Variants in RSU1 observed in about 807,000 individuals in gnomAD.
RSU1 encodes the protein Ras suppressor protein 1.
Under a neutral mutation model 31.1 loss-of-function variants are expected in RSU1, and 26 were observed. That is an observed-to-expected ratio of 0.84 (90% CI 0.61 to 1.16). The LOEUF is 1.16. Among genes scored for constraint, RSU1 ranks in the 50% most tolerant of loss-of-function variants. RSU1 has a pLI of 0.00. For missense variants in RSU1, 320 were observed against 339.1 expected (o/e 0.94, Z 0.44); for synonymous variants, 164 against 136.3 (o/e 1.20, Z -1.41).
At chr10:16,597,869 T>C (rs1455654745) in intron 8 of RSU1, among the ~76,000 whole-genome samples, 1 of 152,228 alleles carries the variant, frequency 6.6e-6, no homozygotes, top group Non-Finnish European at 1.5e-5. Context: ...GACGCTGCTG[T>C]CCGCCGCACG....
chr10:16,685,057 G>A (rs908619829), intron 8 of RSU1, among the ~76,000 whole-genome samples: 1 of 152,078 alleles, frequency 6.6e-6, no homozygotes, highest in African/African-American at 2.4e-5. Flanking sequence ...GGACCAGTCT[G>A]GCCAACATGG....
Position 16,698,600 on chromosome 10 carries a change from A to AC in RSU1, c.599-3446dup, listed in dbSNP as rs887989433. Among the ~76,000 whole-genome samples, 5 of 151,948 alleles carry AC rather than the reference A, an allele frequency of 3.3e-5. 1 individual carries two copies. Among genetic ancestry groups the AC allele is most frequent in the Non-Finnish European group, 2.9e-5 (2 of 67,996 alleles). On this transcript the variant is annotated intron_variant, in intron 7 of 8. Transcript: ENST00000345264. ...TGGGCCCTTTTGTCTGAAGCCTGTA[A>AC]CCCCCTGGAGATCTGTCAATCCCAA...
At chr10:16,805,912 C>T (rs1298736779) in intron 2 of RSU1, among the ~76,000 whole-genome samples, 1 of 152,048 alleles carries the variant, frequency 6.6e-6, no homozygotes, top group East Asian at 1.9e-4. Flanking sequence ...AAAAGCCTTG[C>T]ATTCTGTTAT....
At chr10:16,747,361 G>A (rs1409099213) in intron 7 of RSU1, among the ~76,000 whole-genome samples, 1 of 152,110 alleles carries the variant, frequency 6.6e-6, no homozygotes, top group Admixed American at 6.5e-5. Flanking sequence ...CCTTCTCAAT[G>A]AGACACCCTT....
At chr10:16,703,160 G>A (rs996637229) in intron 7 of RSU1, among the ~76,000 whole-genome samples, 3 of 152,098 alleles carry the variant, frequency 2.0e-5, no homozygotes, top group Admixed American at 1.3e-4. Flanking sequence ...CCCAGAAGCC[G>A]AGCAGATGCC....
chr10:16,798,739 A>T (rs1232548668), intron 2 of RSU1, among the ~76,000 whole-genome samples: 1 of 152,200 alleles, frequency 6.6e-6, no homozygotes. Flanking sequence ...CTGGGAAATA[A>T]TCAGACCAGA....
chr10:16,610,019 TATC>T (rs749946857), intron 8 of RSU1, among the ~76,000 whole-genome samples: 4 of 152,224 alleles, frequency 2.6e-5, no homozygotes, highest in East Asian at 3.8e-4. Flanking sequence ...TTAATTTTAA[TATC>T]ATATTTTATT....
intron 8 of RSU1, among the ~76,000 whole-genome samples, chr10:16,607,084 T>G (rs530466710): frequency 2.0e-5 from 3 of 152,178 alleles, no homozygotes; most frequent in Non-Finnish European, 4.4e-5. Context: ...CATGAATGGT[T>G]CAGCACTATC....
intron 7 of RSU1, among the ~76,000 whole-genome samples, chr10:16,697,262 C>T (rs2131564962): frequency 6.6e-6 from 1 of 152,316 alleles, no homozygotes; most frequent in African/African-American, 2.4e-5. Flanking sequence ...GAGAAACAAC[C>T]TATGCTTACA....
intron 8 of RSU1, among the ~76,000 whole-genome samples, chr10:16,609,196 CA>C (rs987440692): frequency 7.9e-5 from 12 of 152,252 alleles, no homozygotes; most frequent in African/African-American, 2.9e-4. Context: ...TCTGCAAGTG[CA>C]AAAAGCTTAA....
chr10:16,736,081 C>T (rs757378026), intron 7 of RSU1, among the ~76,000 whole-genome samples: 26 of 152,102 alleles, frequency 1.7e-4, no homozygotes, highest in Non-Finnish European at 3.5e-4. Flanking sequence ...TGAGGCTACT[C>T]AAGGAGCTGG....
chr10:16,688,501 C>G (rs183560713), intron 8 of RSU1, among the ~76,000 whole-genome samples: 3 of 152,168 alleles, frequency 2.0e-5, no homozygotes, highest in Non-Finnish European at 4.4e-5. Context: ...CCCAGCCACT[C>G]GGGAGGCTGA....
intron 8 of RSU1, among the ~76,000 whole-genome samples, chr10:16,614,251 A>G (rs973516576): frequency 6.6e-6 from 1 of 152,196 alleles, no homozygotes; most frequent in African/African-American, 2.4e-5. Context: ...AATGTTGTAG[A>G]TGTTAAATCA....
chr10:16,648,249 A>C (rs1834611421), intron 8 of RSU1, among the ~76,000 whole-genome samples: 1 of 151,894 alleles, frequency 6.6e-6, no homozygotes. Context: ...TACAGGCACT[A>C]GCCTCCACAC....
chr10:16,664,037 T>C (rs369855004), intron 8 of RSU1, among the ~76,000 whole-genome samples: 1 of 152,300 alleles, frequency 6.6e-6, no homozygotes, highest in Admixed American at 6.5e-5. Flanking sequence ...GGGTTAAATA[T>C]GACTCCACGA....
intron 7 of RSU1, among the ~76,000 whole-genome samples, chr10:16,705,300 C>T (rs542772468): frequency 4.4e-4 from 67 of 152,240 alleles, no homozygotes; most frequent in African/African-American, 1.5e-3. Flanking sequence ...CAAAAATCCA[C>T]GGATGCTCAA....
chr10:16,796,993 T>C (rs1018846994), intron 2 of RSU1, among the ~76,000 whole-genome samples: 3 of 152,170 alleles, frequency 2.0e-5, no homozygotes, highest in Non-Finnish European at 4.4e-5. Flanking sequence ...AACCCCCGAA[T>C]AGCTAAACAA....
At chr10:16,719,216 G>A (rs1836206326) in intron 7 of RSU1, among the ~76,000 whole-genome samples, 1 of 152,120 alleles carries the variant, frequency 6.6e-6, no homozygotes, top group South Asian at 2.1e-4. Flanking sequence ...GCTGAGGCAA[G>A]AGGATCACTT....
chr10:16,649,261 T>C (rs1792372104), intron 8 of RSU1, among the ~76,000 whole-genome samples: 1 of 152,174 alleles, frequency 6.6e-6, no homozygotes, highest in Non-Finnish European at 1.5e-5. Context: ...TCAGCATGTA[T>C]GAAAACGAGG....
Sources: gnomAD v4.1 joint callset for allele counts (sites outside exome capture counted in the v4.1 genomes callset) on GRCh38, gnomAD v4.1.1 for gene constraint, MANE v1.5 for transcripts, NCBI Gene and HGNC (gene_info 2026-07-23, HGNC 2026-07-21) for gene names.